PON3: variants seen among roughly 807,000 people sequenced by gnomAD.
PON3 encodes serum paraoxonase/lactonase 3.
In PON3, 37 loss-of-function variants were observed where a neutral mutation model predicts 36.3. The observed-to-expected ratio is 1.02, with a 90% confidence interval of 0.78 to 1.34. The LOEUF (loss-of-function observed/expected upper bound fraction) is 1.34, where lower values mean the gene tolerates loss of function less well. Ranked by LOEUF, PON3 falls within the 40% of genes most tolerant of loss-of-function variation. The pLI is 0.00. For missense variants in PON3, 415 were observed against 426.5 expected, an observed-to-expected ratio of 0.97 and a Z score of 0.24; for synonymous variants, 155 against 154.8, an observed-to-expected ratio of 1.00 and a Z score of -0.01.
chr7:95,375,776 T>G (rs1411989058), intron 3 of PON3, among the ~76,000 whole-genome samples: 1 of 152,210 alleles, frequency 6.6e-6, no homozygotes, highest in Non-Finnish European at 1.5e-5. Context: ...TGTAAAGCAG[T>G]TAGGTAGGAA....
chr7:95,367,775 A>C (rs1289131891), intron 4 of PON3, among the ~76,000 whole-genome samples: 1 of 152,224 alleles, frequency 6.6e-6, no homozygotes, highest in East Asian at 1.9e-4. Context: ...CCTGTCTAAC[A>C]GGAGCCTACA....
At chr7:95,377,637 G>T (rs1208876161) in intron 3 of PON3, 1 of 369,712 alleles carries the variant, frequency 2.7e-6, no homozygotes, top group African/African-American at 2.2e-5. Context: ...GGCAAACAGG[G>T]TCTGGAGTGG....
intron 8 of PON3, 78 bp from the exon 9 acceptor site, chr7:95,360,209 G>T: frequency 7.4e-7 from 1 of 1,345,484 alleles, no homozygotes; most frequent in Non-Finnish European, 1.1e-6. Context: ...AACATTCTAG[G>T]ATAAATCTAT....
chr7:95,371,801 C>A (rs1218410727), intron 4 of PON3, among the ~76,000 whole-genome samples: 3 of 151,994 alleles, frequency 2.0e-5, no homozygotes, highest in African/African-American at 7.2e-5. Flanking sequence ...TTTGATGAGT[C>A]TAATTTGTTT....
At chr7:95,375,766 T>C (rs1389851641) in intron 3 of PON3, among the ~76,000 whole-genome samples, 1 of 152,242 alleles carries the variant, frequency 6.6e-6, no homozygotes, top group Non-Finnish European at 1.5e-5. Flanking sequence ...TAGTTTTCTG[T>C]GTAAAGCAGT....
rs1189568442 is a variant in PON3 at position 95,362,766 on chromosome 7, T to C, written c.771A>G (p.Gln257=). 4 of 1,606,724 alleles carry C rather than the reference T, an allele frequency of 2.5e-6. No individual in the cohort carries two copies. The highest frequency in any genetic ancestry group is 3.4e-6 in the Non-Finnish European group (4 of 1,173,406). ...CCAGACAGGGTACTCTTACCTTCAGTTGAGTTAAATCCCAGTTATCATGTT... is the reference window on the plus strand; with the variant it reads ...CCAGACAGGGTACTCTTACCTTCAGCTGAGTTAAATCCCAGTTATCATGTT... ...MEKHDNWDLT[Q]LKVIQLGTLV... is the part of the protein sequence containing the mutation. Residue 257 remains glutamine, a synonymous_variant, in exon 7 of 9, where the codon CAA becomes CAG. Coordinates refer to ENST00000265627, the MANE Select transcript of PON3 (RefSeq NM_000940.3).
intron 3 of PON3, among the ~76,000 whole-genome samples, chr7:95,384,744 C>T (rs199590094): frequency 3.2e-4 from 48 of 152,246 alleles, no homozygotes; most frequent in African/African-American, 1.1e-3. Context: ...TTTTACACTG[C>T]TGGTGGGACT....
intron 3 of PON3, among the ~76,000 whole-genome samples, chr7:95,377,251 C>A (rs776030984): frequency 6.6e-6 from 1 of 152,138 alleles, no homozygotes; most frequent in Non-Finnish European, 1.5e-5. Flanking sequence ...ACAGTGTAAA[C>A]AAAGAGGCCG....
At chr7:95,370,056 T>C (rs1047757632) in intron 4 of PON3, among the ~76,000 whole-genome samples, 6 of 152,042 alleles carry the variant, frequency 3.9e-5, no homozygotes, top group Non-Finnish European at 8.8e-5. Flanking sequence ...TGGAGGAGAA[T>C]GGTTTCCAGT....
At chr7:95,390,116 A>T in intron 3 of PON3, 38 bp downstream of exon 3, 2 of 1,554,020 alleles carry the variant, frequency 1.3e-6, no homozygotes, top group Non-Finnish European at 1.8e-6. Context: ...CTATACAGCT[A>T]TTGATGTGAG....
At chr7:95,372,370 T>C (rs763305050) in intron 3 of PON3, 32 bp from the exon 4 acceptor site, 11 of 1,600,224 alleles carry the variant, frequency 6.9e-6, no homozygotes, top group African/African-American at 1.3e-5. Context: ...TGTGCACACA[T>C]ATACATATCA....
intron 3 of PON3, among the ~76,000 whole-genome samples, chr7:95,375,320 G>A (rs1176683097): frequency 6.7e-6 from 1 of 149,656 alleles, no homozygotes; most frequent in Non-Finnish European, 1.5e-5. Flanking sequence ...ATATGTATGT[G>A]TGTGTATATA....
chr7:95,378,367 AG>A (rs1303240485), intron 3 of PON3, among the ~76,000 whole-genome samples: 1 of 152,204 alleles, frequency 6.6e-6, no homozygotes, highest in African/African-American at 2.4e-5. Flanking sequence ...CAACCTAGCA[AG>A]GCAGGCCAAC....
intron 3 of PON3, among the ~76,000 whole-genome samples, chr7:95,373,045 T>A (rs1808844043): frequency 6.6e-6 from 1 of 152,220 alleles, no homozygotes; most frequent in South Asian, 2.1e-4. Flanking sequence ...ATGAAGCCTT[T>A]GCTGCATCTG....
intron 4 of PON3, among the ~76,000 whole-genome samples, chr7:95,369,218 T>C (rs1272420284): frequency 1.3e-5 from 2 of 152,320 alleles, no homozygotes; most frequent in Non-Finnish European, 2.9e-5. Context: ...ATAGAGTACC[T>C]ACTGTGCATC....
intron 2 of PON3, among the ~76,000 whole-genome samples, chr7:95,393,293 T>G (rs1334970388): frequency 6.6e-6 from 1 of 152,196 alleles, no homozygotes; most frequent in African/African-American, 2.4e-5. Flanking sequence ...AGAACACTGC[T>G]AGCTATAATA....
intron 3 of PON3, among the ~76,000 whole-genome samples, chr7:95,383,203 C>G (rs961612145): frequency 3.3e-5 from 5 of 152,064 alleles, no homozygotes; most frequent in Non-Finnish European, 7.4e-5. Flanking sequence ...GGACATATCT[C>G]AAAATAATAA....
At position 95,377,988 on chromosome 7, in the gene PON3, C is replaced by A. The variant is rs543025186; in HGVS notation, c.202-5650G>T. ...GCTAAAGGAGCATGTTCTAACCCAT[C>A]ACAAGGAAGCTAAAAACCTTGAAAA... is the stretch of plus-strand genomic sequence containing the variant. On this transcript the variant is annotated intron_variant, in intron 3 of 8. Transcript: ENST00000265627. Among the ~76,000 whole-genome samples the A allele has an allele frequency of 1.1e-3, 171 of 152,260 alleles. 1 individual carries two copies. Among genetic ancestry groups the A allele is most frequent in the Non-Finnish European group, 2.1e-3 (142 of 68,014 alleles).
chr7:95,380,945 C>T (rs1438356753), intron 3 of PON3, among the ~76,000 whole-genome samples: 1 of 152,102 alleles, frequency 6.6e-6, no homozygotes, highest in Non-Finnish European at 1.5e-5. Flanking sequence ...TTAAGGGCAG[C>T]CAGAGAGAAA....
Sources: gnomAD v4.1 joint callset for allele counts (sites outside exome capture counted in the v4.1 genomes callset) on GRCh38, gnomAD v4.1.1 for gene constraint, MANE v1.5 for transcripts, NCBI Gene and HGNC (gene_info 2026-07-23, HGNC 2026-07-21) for gene names.